Variants in WRAP73 observed in about 807,000 individuals in gnomAD.
WRAP73 encodes the protein WD repeat-containing protein WRAP73.
In WRAP73, 55 loss-of-function variants were observed where a neutral mutation model predicts 59.6. That is an observed-to-expected ratio of 0.92 (90% CI 0.74 to 1.15). The LOEUF (loss-of-function observed/expected upper bound fraction) is 1.15. Ranked by LOEUF, WRAP73 falls within the 50% of genes most tolerant of loss-of-function variation. The pLI, the probability that WRAP73 is intolerant of heterozygous loss-of-function variation, is 0.00. For missense variants in WRAP73, 592 were observed against 608.1 expected, an observed-to-expected ratio of 0.97 and a Z score of 0.28; for synonymous variants, 265 against 258.2, an observed-to-expected ratio of 1.03 and a Z score of -0.25.
rs1644617183 is a variant in WRAP73, at chr1:3,639,370, C to G, written c.340-548G>C. On this transcript the variant is annotated intron_variant, in intron 3 of 11. Coordinates refer to ENST00000270708, the MANE Select transcript of WRAP73 (RefSeq NM_017818.4). This position sits in a 1 kb window ranked among gnomAD's most constrained non-coding sequence, Gnocchi z 4.3. ...TCTGCAGAGGGTTCTAGAACATGCG[C>G]TGCTGGACTGTCCACTTTTCCACCC... The G allele has an allele frequency of 6.5e-6, 1 of 154,432 alleles. No homozygotes were observed. Among genetic ancestry groups the G allele is most frequent in the African/African-American group, 2.4e-5 (1 of 41,472 alleles). 9.6% of individuals were successfully genotyped at this position (154,432 alleles called of 1,614,324 possible). A position where few individuals can be genotyped will look rare whatever the true frequency, so the allele number is the denominator to read the frequency against.
At chr1:3,647,308 A>C (rs1435063555) in intron 2 of WRAP73, 100 bp downstream of exon 2, 1 of 1,310,122 alleles carries the variant, frequency 7.6e-7, no homozygotes, top group East Asian at 2.8e-5. Flanking sequence ...TTTGAGCTGC[A>C]CGGACTTTTT....
At position 3,648,437 on chromosome 1, in the gene WRAP73, A is replaced by G. The variant is rs183345110; in HGVS notation, c.70-877T>C. ...GTTTTCCGTGGGAGAAAAGAGAGAC[A>G]GGCGGGTGACGGCAGATTGGAACAA... On this transcript the variant is annotated intron_variant, in intron 1 of 11. Transcript: ENST00000270708. Among the ~76,000 whole-genome samples the G allele has an allele frequency of 3.7e-3, 571 of 152,370 alleles. 4 individuals carry two copies. Among genetic ancestry groups the G allele is most frequent in the African/African-American group, 0.013 (544 of 41,590 alleles).
At chr1:3,648,254 A>T (rs3765690) in intron 1 of WRAP73, among the ~76,000 whole-genome samples, 14,928 of 152,268 alleles carry the variant, frequency 0.098, 1,089 homozygotes, top group East Asian at 0.23. Context: ...ATTTCAAGTA[A>T]AAATAACGCC....
At position 3,631,471 on chromosome 1, in the gene WRAP73, C is replaced by A; in HGVS notation, c.1235G>T (p.Gly412Val). 1 of 1,595,504 alleles carries A rather than the reference C, an allele frequency of 6.3e-7. No individual in the cohort carries two copies. The highest frequency in any genetic ancestry group is 2.3e-5 in the East Asian group (1 of 43,994). ...GGCCTCGGGGATGTGCTTACCTTCC[C>A]CAGGCACCTGCACCGACATGCAGCC... ...PAGCMSVQVP[G>V]EGDFAVLSLC... The change falls in exon 11 of 12, where the codon GGG becomes GTG. Residue 412 changes from glycine to valine, a missense_variant. Transcript: ENST00000270708.
At chr1:3,631,734 G>T in intron 10 of WRAP73, 77 bp from the exon 11 acceptor site, 1 of 1,522,494 alleles carries the variant, frequency 6.6e-7, no homozygotes, top group Non-Finnish European at 8.8e-7. Context: ...CTGCTCTGCT[G>T]TTGACACCAC....
In WRAP73 at chr1:3,630,942, A is replaced by G; in HGVS notation, c.*33T>C. On this transcript the variant is annotated 3_prime_UTR_variant, in exon 12 of 12. Coordinates refer to ENST00000270708, the MANE Select transcript of WRAP73 (RefSeq NM_017818.4). ...TTTTCCCACACTGGAAACACAGAGT[A>G]GCCCTGTTTCTGCACACGTTAGTGC... 1 of 1,599,826 alleles carries G rather than the reference A, an allele frequency of 6.3e-7. No homozygotes were observed. Among genetic ancestry groups the G allele is most frequent in the South Asian group, 1.1e-5 (1 of 90,082 alleles).
chr1:3,632,866 G>A (rs1049784037), intron 9 of WRAP73: 4 of 205,524 alleles, frequency 1.9e-5, no homozygotes, highest in African/African-American at 4.7e-5. Flanking sequence ...ACCGAGCCCC[G>A]GGGTGGGCCC....
chr1:3,632,322 G>A lies in WRAP73; in HGVS notation c.939C>T (p.Val313=), dbSNP rs764664956. Residue 313 remains valine (V), a synonymous_variant, in exon 10 of 12, where the codon GTC becomes GTT. Transcript: ENST00000270708. ...GTTTCAGTGTCTGTAAGGAGACTGG[G>A]ACAGAGGCGATCTCATCTAGAACAC... is the stretch of plus-strand genomic sequence containing the variant. ...SSESKYEIAS[V]PVSLQTLKPV... 1.2e-6 allele frequency: 2 copies of A among 1,614,160 alleles called. No individual in the cohort carries two copies. The highest frequency in any genetic ancestry group is 2.2e-5 in the East Asian group (1 of 44,886).
intron 1 of WRAP73, 50 bp from the exon 2 acceptor site, chr1:3,647,610 G>A (rs1644704460): frequency 6.3e-7 from 1 of 1,586,372 alleles, no homozygotes; most frequent in South Asian, 1.1e-5. Flanking sequence ...TCCAAAAGAG[G>A]GGGGCCTTCG....
chr1:3,646,653 G>C lies in WRAP73; in HGVS notation c.339+13C>G. On this transcript the variant is annotated intron_variant, in intron 3 of 11. Coordinates refer to ENST00000270708, the MANE Select transcript of WRAP73 (RefSeq NM_017818.4). This position sits in a 1 kb window ranked among gnomAD's most constrained non-coding sequence, Gnocchi z 5.1. ...TCACATGGCCAGTAAGGTGTCTTGG[G>C]GCTGACACTTACATGGAATTCCGTG... 1.3e-6 allele frequency: 2 copies of C among 1,587,444 alleles called. No individual in the cohort carries two copies. Among genetic ancestry groups the C allele is most frequent in the Non-Finnish European group, 1.7e-6 (2 of 1,160,946 alleles).
rs1336318248 is a variant in WRAP73 at position 3,646,300 on chromosome 1, G to A, written c.339+366C>T. On this transcript the variant is annotated intron_variant, in intron 3 of 11. Coordinates refer to ENST00000270708, the MANE Select transcript of WRAP73 (RefSeq NM_017818.4). This position sits in a 1 kb window ranked among gnomAD's most constrained non-coding sequence, Gnocchi z 5.1. The stretch of plus-strand genomic sequence containing the variant: ...TTTAAATGACGAGCTGAAAGTTCTT[G>A]ACGCAACAAGGAAAGAAAAAATCCT... Among the ~76,000 whole-genome samples, 1 of 152,206 alleles carries A rather than the reference G, an allele frequency of 6.6e-6. No homozygotes were observed. Among genetic ancestry groups the A allele is most frequent in the African/African-American group, 2.4e-5 (1 of 41,460 alleles).
rs1491567495 is a variant in WRAP73, at chr1:3,631,883, GTA to G, written c.1049-228_1049-227del. On this transcript the variant is annotated intron_variant, in intron 10 of 11. Transcript: ENST00000270708. ...GGGCCCAAATGTGTTTCTTTCTTTG[GTA>G]TTTTTTTTTTTTTTTTAGCCCTTTA... 9.9e-3 allele frequency: 12,334 copies of G among 1,240,112 alleles called. 3 individuals are homozygous for G. Among genetic ancestry groups the G allele is most frequent in the East Asian group, 0.034 (978 of 29,186 alleles). The allele number at this position is 1,240,112 out of a possible 1,614,324, so 76.8% of individuals were successfully genotyped here.
intron 3 of WRAP73, 80 bp from the exon 4 acceptor site, chr1:3,638,902 G>T: frequency 6.6e-7 from 1 of 1,511,700 alleles, no homozygotes; most frequent in Non-Finnish European, 9.2e-7. Context: ...ACCCGCCCAC[G>T]CGTCCCCAAG....
At chr1:3,632,413 C>A in intron 9 of WRAP73, 75 bp from the exon 10 acceptor site, 4 of 1,609,024 alleles carry the variant, frequency 2.5e-6, no homozygotes, top group Non-Finnish European at 3.4e-6. Flanking sequence ...GGCTGCTGTG[C>A]CTGCATCGGG....
Position 3,646,805 on chromosome 1 carries a change from C to T in WRAP73, c.223-23G>A. 4 of 1,597,644 alleles carry T rather than the reference C, an allele frequency of 2.5e-6. No individual in the cohort carries two copies. Among genetic ancestry groups the T allele is most frequent in the Non-Finnish European group, 3.4e-6 (4 of 1,168,374 alleles). ...GACCTGGATTGAGAGAAGAAAGAAA[C>T]ACACAAGTGCAAACTCATCAGCACC... On this transcript the variant is annotated intron_variant, in intron 2 of 11. Transcript: ENST00000270708. This position sits in a 1 kb window ranked among gnomAD's most constrained non-coding sequence, Gnocchi z 5.1.
intron 11 of WRAP73, 103 bp downstream of exon 11, chr1:3,631,363 A>C (rs1161142680): frequency 3.5e-6 from 5 of 1,420,716 alleles, no homozygotes; most frequent in Non-Finnish European, 4.8e-6. Context: ...GTTTCCCTGG[A>C]GTGCTGCCGG....
In WRAP73 at chr1:3,639,029, CTGT is replaced by C. The variant is rs141003288; in HGVS notation, c.340-210_340-208del. On this transcript the variant is annotated intron_variant, in intron 3 of 11. Transcript: ENST00000270708. The surrounding 1 kb of genome is among the most constrained non-coding windows in gnomAD (Gnocchi z 4.3). Reference sequence around the variant, plus strand: ...CGGTAAATTTGGTGTTCTTGGTTTTCTGTTGTTGTTGTTTTATACCAAAATTGA... The same window carrying C: ...CGGTAAATTTGGTGTTCTTGGTTTTCTGTTGTTGTTTTATACCAAAATTGA... The C allele has an allele frequency of 0.015, 7,978 of 550,018 alleles. 492 individuals carry two copies. Among genetic ancestry groups the C allele is most frequent in the African/African-American group, 0.13 (6,956 of 51,602 alleles). 34.1% of individuals were successfully genotyped at this position (550,018 alleles called of 1,614,324 possible). A position where few individuals can be genotyped will look rare whatever the true frequency, so the allele number is the denominator to read the frequency against.
At chr1:3,636,342 G>A (rs566265762) in intron 5 of WRAP73, 36 of 388,150 alleles carry the variant, frequency 9.3e-5, no homozygotes, top group Admixed American at 3.3e-4. Flanking sequence ...TGGTCTCCCC[G>A]CGCCTGCACT....
In WRAP73 at chr1:3,646,813, T is replaced by C. The variant is rs1414956345; in HGVS notation, c.223-31A>G. 8 of 1,583,554 alleles carry C rather than the reference T, an allele frequency of 5.1e-6. No homozygotes were observed. Among genetic ancestry groups the C allele is most frequent in the East Asian group, 4.5e-5 (2 of 44,686 alleles). On this transcript the variant is annotated intron_variant, in intron 2 of 11. Coordinates refer to ENST00000270708, the MANE Select transcript of WRAP73 (RefSeq NM_017818.4). The surrounding 1 kb of genome is among the most constrained non-coding windows in gnomAD (Gnocchi z 5.1). Reference sequence around the variant, plus strand: ...TTGAGAGAAGAAAGAAACACACAAGTGCAAACTCATCAGCACCGAGAGACA... The same window carrying C: ...TTGAGAGAAGAAAGAAACACACAAGCGCAAACTCATCAGCACCGAGAGACA...
Sources: allele counts gnomAD v4.1 joint callset (sites outside exome capture counted in the v4.1 genomes callset), GRCh38; gene constraint gnomAD v4.1.1; non-coding constraint Gnocchi (gnomAD v3.1); transcripts MANE v1.5; gene names NCBI Gene and HGNC (gene_info 2026-07-23, HGNC 2026-07-21).